JADE1: variants seen among roughly 807,000 people sequenced by gnomAD.
JADE1 encodes jade family PHD finger 1.
JADE1 carries 14 observed loss-of-function variants against 81.8 expected under a neutral mutation model. The observed-to-expected ratio is 0.17, with a 90% CI of 0.11 to 0.27. The LOEUF (loss-of-function observed/expected upper bound fraction) is 0.27, where lower values mean the gene tolerates loss of function less well. Among genes scored for constraint, JADE1 ranks in the 10% least tolerant of loss-of-function variants. The pLI, the probability that JADE1 is intolerant of heterozygous loss-of-function variation, is 1.00. For synonymous variants in JADE1, 353 were observed against 391.9 expected, an observed-to-expected ratio of 0.90 and a Z score of 1.17; for missense variants, 690 against 1,047.9, an observed-to-expected ratio of 0.66 and a Z score of 4.71.
chr4:128,851,987 C>T (rs907495306), intron 5 of JADE1, 70 bp from the exon 6 acceptor site: 8 of 907,772 alleles, frequency 8.8e-6, no homozygotes, highest in African/African-American at 3.3e-5. Context: ...TATAAATAAA[C>T]CAGTACTATT....
chr4:128,842,874 T>C, intron 2 of JADE1, 79 bp from the exon 3 acceptor site: 1 of 1,254,668 alleles, frequency 8.0e-7, no homozygotes, highest in Non-Finnish European at 1.2e-6. Context: ...TGGGATGAGT[T>C]TGGGTAAGAA....
intron 1 of JADE1, among the ~76,000 whole-genome samples, chr4:128,810,734 G>C (rs1048284487): frequency 8.1e-5 from 12 of 148,350 alleles, no homozygotes; most frequent in Non-Finnish European, 1.3e-4. Flanking sequence ...CAGTGAGAGG[G>C]GGGTGGGGGT....
At chr4:128,838,186 C>T (rs1374742437) in intron 2 of JADE1, among the ~76,000 whole-genome samples, 2 of 152,062 alleles carry the variant, frequency 1.3e-5, no homozygotes, top group Admixed American at 6.6e-5. Flanking sequence ...TTATATTAAC[C>T]CAAAGGATTC....
intron 1 of JADE1, among the ~76,000 whole-genome samples, chr4:128,812,204 A>G (rs1469734224): frequency 7.2e-5 from 11 of 152,034 alleles, no homozygotes; most frequent in Admixed American, 7.2e-4. Flanking sequence ...TGGTTGCGCC[A>G]CGAGAAGGTG....
At chr4:128,836,201 C>G (rs1458120635) in intron 2 of JADE1, among the ~76,000 whole-genome samples, 2 of 152,138 alleles carry the variant, frequency 1.3e-5, no homozygotes, top group Non-Finnish European at 2.9e-5. Context: ...GAACAACTCC[C>G]CCTACCCTGC....
intron 1 of JADE1, among the ~76,000 whole-genome samples, chr4:128,819,621 AGT>A (rs1205082459): frequency 2.6e-5 from 4 of 152,218 alleles, no homozygotes; most frequent in African/African-American, 7.2e-5. Flanking sequence ...CTCCTGTGGT[AGT>A]GTTTAAGGAA....
chr4:128,819,412 T>G (rs2125798374), intron 1 of JADE1, among the ~76,000 whole-genome samples: 1 of 152,274 alleles, frequency 6.6e-6, no homozygotes, highest in Non-Finnish European at 1.5e-5. Flanking sequence ...TGATCCTAGA[T>G]CCCTTTTGAG....
chr4:128,842,673 A>G (rs188926229), intron 2 of JADE1, among the ~76,000 whole-genome samples: 2 of 152,304 alleles, frequency 1.3e-5, no homozygotes, highest in African/African-American at 4.8e-5. Context: ...GGTGAAGACT[A>G]CACCTGCATG....
intron 6 of JADE1, among the ~76,000 whole-genome samples, chr4:128,854,578 A>G (rs1730636423): frequency 6.6e-6 from 1 of 151,820 alleles, no homozygotes; most frequent in African/African-American, 2.4e-5. Context: ...TCTTTGCTCA[A>G]CTCTCATCCT....
chr4:128,809,864 C>T lies in JADE1; in HGVS notation c.-40C>T, dbSNP rs1429146475. ...CGCCCAGCCCAGCGCCTCGGCCGAA[C>T]CCCTCCGCAGCAGGTACGCGCGCGG... On this transcript the variant is annotated 5_prime_UTR_variant, in exon 1 of 11. Coordinates refer to ENST00000226319, the MANE Select transcript of JADE1 (RefSeq NM_199320.4). The T allele has an allele frequency of 1.3e-5, 2 of 149,886 alleles. No homozygotes were observed. The highest frequency in any genetic ancestry group is 2.4e-5 in the African/African-American group (1 of 41,074). The allele number at this position is 149,886 out of a possible 1,614,324, so 9.3% of individuals were successfully genotyped here.
chr4:128,823,662 T>TA (rs1727779726), intron 1 of JADE1, among the ~76,000 whole-genome samples: 1 of 152,232 alleles, frequency 6.6e-6, no homozygotes, highest in South Asian at 2.1e-4. Flanking sequence ...TTGCTTGAGA[T>TA]ATTTAGACAA....
chr4:128,827,151 A>C (rs1361808499), intron 1 of JADE1, among the ~76,000 whole-genome samples: 2 of 152,116 alleles, frequency 1.3e-5, no homozygotes, highest in South Asian at 2.1e-4. Context: ...GTTGGGTTCA[A>C]TCTCCATCCC....
At chr4:128,810,450 GTTTTTTT>G (rs397880705) in intron 1 of JADE1, 3 of 113,928 alleles carry the variant, frequency 2.6e-5, no homozygotes, top group African/African-American at 9.7e-5. Context: ...TAGTTTATAG[GTTTTTTT>G]TTTTTTTTTT....
chr4:128,819,580 G>A (rs1412030837), intron 1 of JADE1, among the ~76,000 whole-genome samples: 6 of 152,196 alleles, frequency 3.9e-5, no homozygotes, highest in African/African-American at 1.2e-4. Flanking sequence ...GCAATCAGAA[G>A]TTAATGCCTA....
intron 9 of JADE1, chr4:128,862,839 A>G: frequency 1.0e-6 from 1 of 990,762 alleles, no homozygotes; most frequent in Non-Finnish European, 1.2e-6. Flanking sequence ...GTACACATGC[A>G]TATATCTGTT....
intron 1 of JADE1, among the ~76,000 whole-genome samples, chr4:128,828,502 C>G: frequency 6.6e-6 from 1 of 152,156 alleles, no homozygotes; most frequent in East Asian, 1.9e-4. Flanking sequence ...GCACTAACCC[C>G]CATACTGTGC....
intron 1 of JADE1, among the ~76,000 whole-genome samples, chr4:128,817,180 G>A (rs973523405): frequency 1.3e-5 from 2 of 151,860 alleles, no homozygotes; most frequent in Admixed American, 6.6e-5. Flanking sequence ...CTTTGAAAGC[G>A]CTCACAATTG....
intron 1 of JADE1, among the ~76,000 whole-genome samples, chr4:128,822,298 C>T (rs1207912679): frequency 6.6e-6 from 1 of 152,146 alleles, no homozygotes; most frequent in Non-Finnish European, 1.5e-5. Flanking sequence ...ATCCGGGAGG[C>T]GGAGTTTGCA....
intron 9 of JADE1, among the ~76,000 whole-genome samples, chr4:128,865,549 C>CA (rs1182391136): frequency 6.6e-6 from 1 of 152,136 alleles, no homozygotes; most frequent in African/African-American, 2.4e-5. Flanking sequence ...GGGAGAGCAT[C>CA]AGTCCAGCTC....
Sources: gnomAD v4.1 joint callset for allele counts (sites outside exome capture counted in the v4.1 genomes callset) on GRCh38, gnomAD v4.1.1 for gene constraint, MANE v1.5 for transcripts, NCBI Gene and HGNC (gene_info 2026-07-23, HGNC 2026-07-21) for gene names.